Variants in MAD2L2 observed in about 807,000 individuals in gnomAD.
MAD2L2 encodes mitotic spindle assembly checkpoint protein MAD2B.
Under a neutral mutation model 30.5 loss-of-function variants are expected in MAD2L2, and 17 were observed. The ratio of observed to expected loss-of-function variants is 0.56; its 90% CI spans 0.38 to 0.84. MAD2L2 has a LOEUF of 0.84. Ranked by LOEUF, MAD2L2 falls within the 40% of genes least tolerant of loss-of-function variation. The pLI is 0.00. For missense variants in MAD2L2, 213 were observed against 277.4 expected, an observed-to-expected ratio of 0.77 and a Z score of 1.65; for synonymous variants, 101 against 113.9, an observed-to-expected ratio of 0.89 and a Z score of 0.72.
chr1:11,684,928 C>CTTTT (rs60300457), upstream of MAD2L2, among the ~76,000 whole-genome samples: 1 of 145,670 alleles, frequency 6.9e-6, no homozygotes, highest in East Asian at 2.0e-4. Flanking sequence ...CTCTCTCTCT[C>CTTTT]TTTTTTTTTT....
At chr1:11,676,358 G>A (rs1640769325) in intron 5 of MAD2L2, among the ~76,000 whole-genome samples, 1 of 152,140 alleles carries the variant, frequency 6.6e-6, no homozygotes, top group South Asian at 2.1e-4. Context: ...GAATTCGGCG[G>A]GGGGTAGGGG....
At chr1:11,686,807 TAAAA>T (rs560855200) in intron 1 of MAD2L2, among the ~76,000 whole-genome samples, 3 of 104,490 alleles carry the variant, frequency 2.9e-5, no homozygotes, top group Non-Finnish European at 3.9e-5. Flanking sequence ...ACTGCCACTT[TAAAA>T]AAAAAAAAAA....
chr1:11,679,171 A>T (rs939922514), intron 3 of MAD2L2, among the ~76,000 whole-genome samples: 1 of 152,216 alleles, frequency 6.6e-6, no homozygotes, highest in Non-Finnish European at 1.5e-5. Context: ...CTCAAAAAAT[A>T]AAATAAAATA....
chr1:11,680,552 GCCT>G lies in MAD2L2; in HGVS notation c.40+7_40+9del, dbSNP rs1640856391. The G allele has an allele frequency of 6.2e-7, 1 of 1,607,648 alleles. No homozygotes were observed. Among genetic ancestry groups the G allele is most frequent in the South Asian group, 1.1e-5 (1 of 90,568 alleles). On this transcript the variant is annotated splice_region_variant and intron_variant, in intron 2 of 8. Coordinates refer to ENST00000376692, the MANE Select transcript of MAD2L2 (RefSeq NM_006341.4). ...CCCCGCCCCCGGGCCCGCAGGTCCA[GCCT>G]CCCTACCTTGGCCAAAGTTGAGGTC...
rs1487738002 is a variant in MAD2L2 at position 11,690,456 on chromosome 1, G to A, written c.-692+957C>T. Among the ~76,000 whole-genome samples, 1 of 152,162 alleles carries A rather than the reference G, an allele frequency of 6.6e-6. No homozygotes were observed. On this transcript the variant is annotated intron_variant, in intron 1 of 10. Coordinates refer to the MAD2L2 transcript ENST00000235310. This position sits in a 1 kb window ranked among gnomAD's most constrained non-coding sequence, Gnocchi z 4.2. ...TCCTTACACAGGGCACTGCATTCAC[G>A]CCTAGAACACTGAAATTTAGGTATA...
rs181610964 is a variant in MAD2L2, at chr1:11,689,141, C to T, written c.-692+2272G>A. On this transcript the variant is annotated intron_variant, in intron 1 of 10. Transcript: ENST00000235310. ...CGAAACCCTGTCTCTACTAAAAATA[C>T]AAAAAATTAGCTGAGCATGGCGGTG... Among the ~76,000 whole-genome samples, 39 of 152,084 alleles carry T rather than the reference C, an allele frequency of 2.6e-4. No homozygotes were observed. In the East Asian group the frequency reaches 7.0e-3, roughly 27 times the overall value.
rs1343249258 is a variant in MAD2L2 at position 11,690,996 on chromosome 1, G to C, written c.-692+417C>G. 6.6e-6 allele frequency among the ~76,000 whole-genome samples: 1 copy of C among 152,164 alleles called. No homozygotes were observed. The highest frequency in any genetic ancestry group is 1.5e-5 in the Non-Finnish European group (1 of 68,018). On this transcript the variant is annotated intron_variant, in intron 1 of 10. Coordinates refer to the MAD2L2 transcript ENST00000235310. This position sits in a 1 kb window ranked among gnomAD's most constrained non-coding sequence, Gnocchi z 4.2. Reference sequence around the variant, plus strand: ...GTTGTCTTTCTCCCTTCCCTACCGGGAAAGAGGGCACAGGTGCGCCGTCAG... The same window carrying C: ...GTTGTCTTTCTCCCTTCCCTACCGGCAAAGAGGGCACAGGTGCGCCGTCAG...
rs1641048293 is a variant in MAD2L2 at position 11,690,832 on chromosome 1, T to G, written c.-692+581A>C. ...ACACGGCGCCCCGCGCGGTGATGGATGAGCCGGCCCCAGCGCTGGCTTTGT... is the reference window on the plus strand; with the variant it reads ...ACACGGCGCCCCGCGCGGTGATGGAGGAGCCGGCCCCAGCGCTGGCTTTGT... On this transcript the variant is annotated intron_variant, in intron 1 of 10. Transcript: ENST00000235310. The surrounding 1 kb of genome is among the most constrained non-coding windows in gnomAD (Gnocchi z 4.2). 2.0e-5 allele frequency among the ~76,000 whole-genome samples: 3 copies of G among 152,038 alleles called. No homozygotes were observed. The highest frequency in any genetic ancestry group is 2.0e-4 in the Admixed American group (3 of 15,274).
At chr1:11,686,050 AAGCCCCC>A (rs763890917), upstream of MAD2L2, among the ~76,000 whole-genome samples, 11 of 152,206 alleles carry the variant, frequency 7.2e-5, no homozygotes, top group Admixed American at 1.3e-4. Flanking sequence ...TACACTATTT[AAGCCCCC>A]AGAACAAACC....
chr1:11,688,668 C>T lies in MAD2L2; in HGVS notation c.-692+2745G>A, dbSNP rs1641006099. On this transcript the variant is annotated intron_variant, in intron 1 of 10. Coordinates refer to the MAD2L2 transcript ENST00000235310. This position sits in a 1 kb window ranked among gnomAD's most constrained non-coding sequence, Gnocchi z 4.6. ...AAAAAGCTCAAGTCCTCCCTGTGGCCTTTGCAGGCTCACATTGTTAGAGGT... is the reference window on the plus strand; with the variant it reads ...AAAAAGCTCAAGTCCTCCCTGTGGCTTTTGCAGGCTCACATTGTTAGAGGT... Among the ~76,000 whole-genome samples, 1 of 152,180 alleles carries T rather than the reference C, an allele frequency of 6.6e-6. No homozygotes were observed. The highest frequency in any genetic ancestry group is 1.5e-5 in the Non-Finnish European group (1 of 68,030).
rs955854099 is a variant in MAD2L2, at chr1:11,688,377, T to C, written c.-692+3036A>G. ...GATATCGAGACCATCCTGGCTAACA[T>C]GGGGAAACTCTGTCTCTACTAAAAA... On this transcript the variant is annotated intron_variant, in intron 1 of 10. Transcript: ENST00000235310. This position sits in a 1 kb window ranked among gnomAD's most constrained non-coding sequence, Gnocchi z 4.6. Among the ~76,000 whole-genome samples, 1 of 151,976 alleles carries C rather than the reference T, an allele frequency of 6.6e-6. No homozygotes were observed. Among genetic ancestry groups the C allele is most frequent in the African/African-American group, 2.4e-5 (1 of 41,362 alleles).
In MAD2L2 at chr1:11,679,551, T is replaced by C. The variant is rs541254963; in HGVS notation, c.159+802A>G. 2.7e-5 allele frequency among the ~76,000 whole-genome samples: 4 copies of C among 150,276 alleles called. 1 individual carries two copies. The highest frequency in any genetic ancestry group is 1.0e-4 in the African/African-American group (4 of 40,030). Reference sequence around the variant, plus strand: ...AGGGTAACTTTTTTTTTTGGAGACATAGTCTTGCTCTGTCGCCCAGGCTGG... The same window carrying C: ...AGGGTAACTTTTTTTTTTGGAGACACAGTCTTGCTCTGTCGCCCAGGCTGG... On this transcript the variant is annotated intron_variant, in intron 3 of 8. Transcript: ENST00000376692.
In MAD2L2 at chr1:11,675,194, C is replaced by G; in HGVS notation, c.502-20G>C. On this transcript the variant is annotated intron_variant, in intron 7 of 8. Transcript: ENST00000376692. ...GAAATCCTAGGGAGGAGACAAAGGT[C>G]AGGGGGGTGACGGGGCTGGGCCCTG... is the stretch of plus-strand genomic sequence containing the variant. The G allele has an allele frequency of 1.9e-6, 3 of 1,552,396 alleles. No homozygotes were observed. Among genetic ancestry groups the G allele is most frequent in the Non-Finnish European group, 2.6e-6 (3 of 1,142,110 alleles).
In MAD2L2 at chr1:11,688,544, G is replaced by C. The variant is rs1016132569; in HGVS notation, c.-692+2869C>G. Among the ~76,000 whole-genome samples the C allele has an allele frequency of 4.8e-5, 7 of 145,938 alleles. No individual in the cohort carries two copies. Among genetic ancestry groups the C allele is most frequent in the Non-Finnish European group, 8.9e-5 (6 of 67,310 alleles). ...CCACTGCACTCCAGCCTGGACAACA[G>C]AGCAAGACTGCATCTCAAAAAAAAA... is the stretch of plus-strand genomic sequence containing the variant. On this transcript the variant is annotated intron_variant, in intron 1 of 10. Coordinates refer to the MAD2L2 transcript ENST00000235310. This position sits in a 1 kb window ranked among gnomAD's most constrained non-coding sequence, Gnocchi z 4.6.
intron 3 of MAD2L2, 121 bp from the exon 4 acceptor site, chr1:11,677,735 C>G: frequency 1.3e-6 from 1 of 758,482 alleles, no homozygotes; most frequent in South Asian, 1.6e-5. Context: ...CTCCAGGGCT[C>G]CCTACCCAGG....
chr1:11,676,210 GCAGA>G, intron 5 of MAD2L2, 70 bp from the exon 6 acceptor site: 1 of 1,023,634 alleles, frequency 9.8e-7, no homozygotes, highest in Non-Finnish European at 1.4e-6. Context: ...AAGCCTGGAT[GCAGA>G]CCTGGGGTAC....
rs57223755 is a variant in MAD2L2, at chr1:11,690,929, AGT to A, written c.-692+482_-692+483del. 0.028 allele frequency among the ~76,000 whole-genome samples: 4,261 copies of A among 150,584 alleles called. 77 individuals carry two copies. Among genetic ancestry groups the A allele is most frequent in the South Asian group, 0.04 (190 of 4,744 alleles). ...CGTGGCGAGAGCCGCGCCGCGTGTG[AGT>A]GTGTGTGTGTGTGTGTTTGTGTGTG... On this transcript the variant is annotated intron_variant, in intron 1 of 10. Coordinates refer to the MAD2L2 transcript ENST00000235310. The surrounding 1 kb of genome is among the most constrained non-coding windows in gnomAD (Gnocchi z 4.2).
chr1:11,680,715 G>C, intron 1 of MAD2L2, 102 bp from the exon 2 acceptor site: 1 of 1,467,058 alleles, frequency 6.8e-7, no homozygotes, highest in Non-Finnish European at 9.0e-7. Flanking sequence ...GTGGGAACTG[G>C]GGAAGGACCT....
chr1:11,681,778 T>C (rs367729513), upstream of MAD2L2: 152 of 152,188 alleles, frequency 1.0e-3, 1 homozygote, highest in African/African-American at 3.6e-3. Context: ...CTGGGCTAAG[T>C]GTGTCCGTGG....
Sources: allele counts gnomAD v4.1 joint callset (sites outside exome capture counted in the v4.1 genomes callset), GRCh38; gene constraint gnomAD v4.1.1; non-coding constraint Gnocchi (gnomAD v3.1); transcripts MANE v1.5; gene names NCBI Gene and HGNC (gene_info 2026-07-23, HGNC 2026-07-21).